NOL4L: variants seen among roughly 807,000 people sequenced by gnomAD.
The protein encoded by NOL4L is nucleolar protein 4 like, also known as nucleolar protein 4-like.
In NOL4L, 7 loss-of-function variants were observed where a neutral mutation model predicts 64.5. The observed-to-expected ratio is 0.11, with a 90% CI of 0.06 to 0.20. NOL4L has a LOEUF of 0.20. NOL4L is among the 10% of genes least tolerant of loss of function. The pLI, the probability that NOL4L is intolerant of heterozygous loss-of-function variation, is 1.00. For synonymous variants in NOL4L, 413 were observed against 401.0 expected (o/e 1.03, Z -0.36); for missense variants, 680 against 967.1 (o/e 0.70, Z 3.94).
intron 1 of NOL4L, among the ~76,000 whole-genome samples, chr20:32,564,511 A>G (rs1979300242): frequency 6.6e-6 from 1 of 152,194 alleles, no homozygotes; most frequent in African/African-American, 2.4e-5. Flanking sequence ...TCTATGATCT[A>G]AATTGAGACT....
At position 32,520,830 on chromosome 20, in the gene NOL4L, G is replaced by T; in HGVS notation, c.570C>A (p.Ser190=). 6.5e-7 allele frequency: 1 copy of T among 1,550,002 alleles called. No individual in the cohort carries two copies. The highest frequency in any genetic ancestry group is 8.7e-7 in the Non-Finnish European group (1 of 1,146,342). Residue 190 remains serine (S), a synonymous_variant, in exon 3 of 11, where the codon TCC becomes TCA. Coordinates refer to ENST00000621426, the MANE Select transcript of NOL4L (RefSeq NM_001256798.2). ...TGCTACCTTTGGGTTCCAGGCCATTGGAGTTAAAGTGCATCCTCTTCTGAC... is the reference window on the plus strand; with the variant it reads ...TGCTACCTTTGGGTTCCAGGCCATTTGAGTTAAAGTGCATCCTCTTCTGAC... ...TECQKRMHFN[S]NGLEPKENEP... is the part of the protein sequence containing the mutation.
intron 10 of NOL4L, among the ~76,000 whole-genome samples, chr20:32,450,768 A>AC (rs1225525647): frequency 6.6e-6 from 1 of 151,870 alleles, no homozygotes; most frequent in Non-Finnish European, 1.5e-5. Context: ...TGAGCCCCAG[A>AC]CCCCCATGTG....
intron 1 of NOL4L, among the ~76,000 whole-genome samples, chr20:32,530,396 C>A (rs1281642813): frequency 6.6e-6 from 1 of 152,086 alleles, no homozygotes; most frequent in Admixed American, 6.5e-5. Context: ...AAAAAATTAG[C>A]CGGGCATGGT....
chr20:32,538,780 G>T (rs891870084), intron 1 of NOL4L, among the ~76,000 whole-genome samples: 1 of 152,178 alleles, frequency 6.6e-6, no homozygotes, highest in Non-Finnish European at 1.5e-5. Flanking sequence ...GGCGGGTGCC[G>T]TCAGAGGCCA....
rs573374033 is a variant in NOL4L, at chr20:32,536,072, A to G, written c.322-8159T>C. On this transcript the variant is annotated intron_variant, in intron 1 of 10. Coordinates refer to ENST00000621426, the MANE Select transcript of NOL4L (RefSeq NM_001256798.2). The stretch of plus-strand genomic sequence containing the variant: ...TCAGTTTCCCCCTGTGTGAGCAGAC[A>G]CCATAGGCATAATGGCTTTCGCCAC... 3 of 985,622 alleles carry G rather than the reference A, an allele frequency of 3.0e-6. No homozygotes were observed. In the East Asian group the frequency reaches 3.4e-4, roughly 112 times the overall value. 61.1% of individuals were successfully genotyped at this position (985,622 alleles called of 1,614,324 possible). A position where few individuals can be genotyped will look rare whatever the true frequency, so the allele number is the denominator to read the frequency against.
chr20:32,567,162 G>A (rs1341820388), intron 1 of NOL4L, among the ~76,000 whole-genome samples: 1 of 152,142 alleles, frequency 6.6e-6, no homozygotes, highest in Non-Finnish European at 1.5e-5. Flanking sequence ...TGAGAGATCT[G>A]GGAGCCAACA....
At chr20:32,577,952 G>A (rs1437922262) in intron 1 of NOL4L, among the ~76,000 whole-genome samples, 6 of 151,984 alleles carry the variant, frequency 3.9e-5, no homozygotes, top group Admixed American at 3.3e-4. Context: ...CCTAAGATTT[G>A]CTACATTTGG....
At chr20:32,548,254 C>T (rs1044305233) in intron 1 of NOL4L, among the ~76,000 whole-genome samples, 1 of 152,222 alleles carries the variant, frequency 6.6e-6, no homozygotes, top group African/African-American at 2.4e-5. Context: ...AACCAGACCA[C>T]ATCTCACTGG....
chr20:32,475,748 A>AC (rs2015352371), intron 4 of NOL4L, among the ~76,000 whole-genome samples: 1 of 152,096 alleles, frequency 6.6e-6, no homozygotes, highest in South Asian at 2.1e-4. Context: ...GACCTCTGAC[A>AC]GAGCACCCCC....
chr20:32,511,581 C>G, intron 3 of NOL4L, 125 bp from the exon 4 acceptor site: 1 of 606,078 alleles, frequency 1.6e-6, no homozygotes. Context: ...GGTCAGAGGT[C>G]GCAGACTCTG....
At chr20:32,543,004 C>T (rs957870000) in intron 1 of NOL4L, among the ~76,000 whole-genome samples, 2 of 152,194 alleles carry the variant, frequency 1.3e-5, no homozygotes, top group Non-Finnish European at 2.9e-5. Context: ...AACACGAGCT[C>T]TCTTGCTGTG....
At chr20:32,527,678 C>A in intron 2 of NOL4L, 80 bp downstream of exon 2, 1 of 1,463,814 alleles carries the variant, frequency 6.8e-7, no homozygotes, top group Non-Finnish European at 9.1e-7. Context: ...CCCCGCCCCC[C>A]AAGCCCAACA....
At chr20:32,513,044 T>C (rs2017478301) in intron 3 of NOL4L, among the ~76,000 whole-genome samples, 2 of 152,316 alleles carry the variant, frequency 1.3e-5, no homozygotes, top group South Asian at 2.1e-4. Flanking sequence ...TCCTCCTCCT[T>C]CTTCCAAGGA....
At chr20:32,537,580 C>A (rs2018569461) in intron 1 of NOL4L, among the ~76,000 whole-genome samples, 1 of 152,138 alleles carries the variant, frequency 6.6e-6, no homozygotes, top group African/African-American at 2.4e-5. Flanking sequence ...GGAGTCAGAC[C>A]CCAGGATACC....
intron 5 of NOL4L, among the ~76,000 whole-genome samples, chr20:32,469,809 C>T (rs546152878): frequency 6.6e-6 from 1 of 152,372 alleles, no homozygotes; most frequent in East Asian, 1.9e-4. Context: ...TGTTTGGCTT[C>T]AACCAAACCC....
At chr20:32,458,673 AC>A (rs2013776045) in intron 5 of NOL4L, among the ~76,000 whole-genome samples, 1 of 152,090 alleles carries the variant, frequency 6.6e-6, no homozygotes, top group Non-Finnish European at 1.5e-5. Context: ...CACTTGCTTG[AC>A]CTTGGAGGGC....
At chr20:32,484,608 T>C (rs1192844638) in intron 4 of NOL4L, among the ~76,000 whole-genome samples, 2 of 151,822 alleles carry the variant, frequency 1.3e-5, no homozygotes, top group South Asian at 2.1e-4. Context: ...CCGCCGGTCA[T>C]TGTGCTCCGC....
chr20:32,501,729 G>A (rs929828528), intron 4 of NOL4L, among the ~76,000 whole-genome samples: 7 of 152,130 alleles, frequency 4.6e-5, no homozygotes, highest in Admixed American at 6.5e-5. Context: ...CATGGGGGAT[G>A]GAGTGGAGTT....
At chr20:32,537,082 C>T (rs1436889590) in intron 1 of NOL4L, 2 of 985,196 alleles carry the variant, frequency 2.0e-6, no homozygotes, top group Non-Finnish European at 2.4e-6. Context: ...ACGCTGCCCA[C>T]CTGTCCTTTG....
Sources: allele counts gnomAD v4.1 joint callset (sites outside exome capture counted in the v4.1 genomes callset), GRCh38; gene constraint gnomAD v4.1.1; transcripts MANE v1.5; gene names NCBI Gene and HGNC (gene_info 2026-07-23, HGNC 2026-07-21).